The following WDR70 variants were observed in gnomAD, a reference collection of about 807,000 sequenced individuals.
WDR70 encodes the protein WD repeat domain 70.
WDR70 carries 53 observed loss-of-function variants against 88.6 expected under a neutral mutation model. That is an observed-to-expected ratio of 0.60 (90% confidence interval 0.48 to 0.75). WDR70 has a LOEUF of 0.75. WDR70 is among the 30% of genes least tolerant of loss of function. The probability of loss-of-function intolerance (pLI) is 0.00; values close to 1 mark genes in which losing one functional copy is unlikely to be tolerated. For missense variants in WDR70, 610 were observed against 823.2 expected, an observed-to-expected ratio of 0.74 and a Z score of 3.17; for synonymous variants, 280 against 270.0, an observed-to-expected ratio of 1.04 and a Z score of -0.36.
At chr5:37,641,122 T>A (rs1745090881) in intron 10 of WDR70, among the ~76,000 whole-genome samples, 1 of 152,228 alleles carries the variant, frequency 6.6e-6, no homozygotes, top group Admixed American at 6.5e-5. Flanking sequence ...GCATGCTTTT[T>A]TCCCCCTGAC....
chr5:37,432,728 C>T (rs1404601337), intron 5 of WDR70, among the ~76,000 whole-genome samples: 1 of 151,306 alleles, frequency 6.6e-6, no homozygotes, highest in Non-Finnish European at 1.5e-5. Context: ...TTCTGGCTAA[C>T]TTTTTGTATT....
intron 9 of WDR70, among the ~76,000 whole-genome samples, chr5:37,554,646 A>C (rs574082455): frequency 1.3e-4 from 20 of 149,992 alleles, no homozygotes; most frequent in Non-Finnish European, 1.8e-4. Context: ...AGACACACAC[A>C]CACACATACT....
intron 5 of WDR70, among the ~76,000 whole-genome samples, chr5:37,428,801 G>A (rs1750215937): frequency 6.6e-6 from 1 of 152,128 alleles, no homozygotes; most frequent in Non-Finnish European, 1.5e-5. Flanking sequence ...TGTGGTAAGT[G>A]TATATTTATA....
At chr5:37,519,192 A>G (rs1302954968) in intron 9 of WDR70, among the ~76,000 whole-genome samples, 1 of 152,146 alleles carries the variant, frequency 6.6e-6, no homozygotes, top group Non-Finnish European at 1.5e-5. Context: ...ATTCTCGATG[A>G]TCGCTGTCTC....
intron 10 of WDR70, among the ~76,000 whole-genome samples, chr5:37,641,208 T>C (rs1745093787): frequency 6.6e-6 from 1 of 151,464 alleles, no homozygotes; most frequent in Non-Finnish European, 1.5e-5. Context: ...CCACCCCTTC[T>C]GGGTTCAAAC....
intron 9 of WDR70, among the ~76,000 whole-genome samples, chr5:37,519,620 C>T (rs1261717464): frequency 4.2e-5 from 6 of 143,592 alleles, no homozygotes; most frequent in South Asian, 2.3e-4. Context: ...CGTGGCCGGG[C>T]GGAGGCGCTC....
chr5:37,605,313 C>T (rs1744006261), intron 10 of WDR70, 75 bp downstream of exon 10: 25 of 1,450,518 alleles, frequency 1.7e-5, no homozygotes, highest in Non-Finnish European at 2.1e-5. Flanking sequence ...CAAAGACAAA[C>T]GTGTTAAAGT....
Position 37,477,106 on chromosome 5 carries a change from A to C in WDR70, c.687-2728A>C, listed in dbSNP as rs1257063621. ...TTCAGGTGGTATTGTTATTTTATGC[A>C]GTCAGTATTCATAACTTATTCATTC... is the stretch of plus-strand genomic sequence containing the variant. On this transcript the variant is annotated intron_variant, in intron 7 of 17. Transcript: ENST00000265107. Among the ~76,000 whole-genome samples, 6 of 152,330 alleles carry C rather than the reference A, an allele frequency of 3.9e-5. 1 individual carries two copies. Among genetic ancestry groups the C allele is most frequent in the Admixed American group, 3.3e-4 (5 of 15,296 alleles).
At chr5:37,596,504 G>A (rs1360845319) in intron 9 of WDR70, among the ~76,000 whole-genome samples, 2 of 152,136 alleles carry the variant, frequency 1.3e-5, no homozygotes, top group Non-Finnish European at 2.9e-5. Context: ...CCGAAAGAAG[G>A]TTACAGACCC....
At chr5:37,470,678 A>G (rs894816471) in intron 7 of WDR70, among the ~76,000 whole-genome samples, 3 of 152,206 alleles carry the variant, frequency 2.0e-5, no homozygotes, top group Non-Finnish European at 2.9e-5. Context: ...ATTGCTGTAC[A>G]GTGTGCTACT....
chr5:37,446,154 CAG>C (rs1413249069), intron 7 of WDR70, among the ~76,000 whole-genome samples: 22 of 152,118 alleles, frequency 1.4e-4, no homozygotes, highest in Admixed American at 3.3e-4. Flanking sequence ...AACAGACACA[CAG>C]AGAACCAAAT....
At chr5:37,707,386 C>T (rs1747358432) in intron 13 of WDR70, among the ~76,000 whole-genome samples, 2 of 152,158 alleles carry the variant, frequency 1.3e-5, no homozygotes, top group African/African-American at 4.8e-5. Context: ...AAATTTTACA[C>T]CTGAGCCTAA....
chr5:37,414,416 C>T (rs1361764469), intron 5 of WDR70, among the ~76,000 whole-genome samples: 1 of 152,126 alleles, frequency 6.6e-6, no homozygotes, highest in African/African-American at 2.4e-5. Context: ...CACATGGCTC[C>T]CTTATTTTGC....
intron 7 of WDR70, among the ~76,000 whole-genome samples, chr5:37,447,842 C>T (rs1247456862): frequency 2.6e-5 from 4 of 152,034 alleles, no homozygotes; most frequent in Admixed American, 6.6e-5. Flanking sequence ...GTGTAAATGA[C>T]GAGTTAATGG....
chr5:37,631,184 A>G (rs1470166257), intron 10 of WDR70, among the ~76,000 whole-genome samples: 1 of 152,122 alleles, frequency 6.6e-6, no homozygotes, highest in African/African-American at 2.4e-5. Context: ...CAACACTCAA[A>G]TCAAATCTTA....
At chr5:37,463,054 A>G (rs1168592290) in intron 7 of WDR70, among the ~76,000 whole-genome samples, 1 of 152,050 alleles carries the variant, frequency 6.6e-6, no homozygotes, top group African/African-American at 2.4e-5. Flanking sequence ...TGGGCGGAAC[A>G]CGAGGTCAGG....
At chr5:37,398,353 G>T (rs73068483) in intron 5 of WDR70, among the ~76,000 whole-genome samples, 18,404 of 151,418 alleles carry the variant, frequency 0.12, 3,656 homozygotes, top group African/African-American at 0.42. Context: ...CTCCCAAAGT[G>T]CTGGGACAGG....
At chr5:37,729,392 G>A (rs76182480) in intron 17 of WDR70, among the ~76,000 whole-genome samples, 4,719 of 152,286 alleles carry the variant, frequency 0.031, 92 homozygotes, top group Non-Finnish European at 0.04. Flanking sequence ...GTTTCTGAAT[G>A]TATCAATCTG....
intron 5 of WDR70, among the ~76,000 whole-genome samples, chr5:37,423,016 T>C (rs10941329): frequency 0.18 from 27,073 of 152,020 alleles, 2,458 homozygotes; most frequent in South Asian, 0.21. Flanking sequence ...TTGAAGGTTT[T>C]TGATGAAAAA....
Sources: allele counts gnomAD v4.1 joint callset (sites outside exome capture counted in the v4.1 genomes callset), GRCh38; gene constraint gnomAD v4.1.1; transcripts MANE v1.5; gene names NCBI Gene and HGNC (gene_info 2026-07-23, HGNC 2026-07-21).